GLI3: variants seen among roughly 807,000 people sequenced by gnomAD.
GLI3 encodes transcription activator GLI3.
Under a neutral mutation model 100.8 loss-of-function variants are expected in GLI3, and 20 were observed. That is an observed-to-expected ratio of 0.20 (90% CI 0.14 to 0.29). The LOEUF is 0.29. GLI3 is among the 10% of genes least tolerant of loss of function. The pLI, the probability that GLI3 is intolerant of heterozygous loss-of-function variation, is 1.00. For synonymous variants in GLI3, 938 were observed against 860.5 expected, an observed-to-expected ratio of 1.09 and a Z score of -1.58; for missense variants, 2,040 against 2,128.5, an observed-to-expected ratio of 0.96 and a Z score of 0.82.
At chr7:42,008,879 G>A (rs573544234) in intron 10 of GLI3, among the ~76,000 whole-genome samples, 2 of 152,158 alleles carry the variant, frequency 1.3e-5, no homozygotes, top group Non-Finnish European at 2.9e-5. Context: ...AATCTCCTTA[G>A]AGCTATTTCA....
intron 10 of GLI3, among the ~76,000 whole-genome samples, chr7:41,984,794 C>CTCAAATCCCACAGAACTGCTTTA (rs1787769520): frequency 1.3e-5 from 2 of 152,242 alleles, no homozygotes; most frequent in Non-Finnish European, 2.9e-5. Context: ...TCTAATGTTT[C>CTCAAATCCCACAGAACTGCTTTA]TCAAATCCCA....
At chr7:42,118,724 C>A (rs1288469072) in intron 3 of GLI3, among the ~76,000 whole-genome samples, 1 of 152,178 alleles carries the variant, frequency 6.6e-6, no homozygotes. Flanking sequence ...GGCCCAGTGG[C>A]CTTCTGATTT....
At chr7:41,971,299 C>G (rs73318091) in intron 13 of GLI3, among the ~76,000 whole-genome samples, 15,532 of 152,200 alleles carry the variant, frequency 0.1, 965 homozygotes, top group African/African-American at 0.17. Context: ...GTGCATCCGG[C>G]AGTCTGAGCA....
At chr7:42,053,478 C>A (rs569563702) in intron 4 of GLI3, among the ~76,000 whole-genome samples, 23 of 152,134 alleles carry the variant, frequency 1.5e-4, no homozygotes, top group Non-Finnish European at 3.1e-4. Flanking sequence ...ACAAAATTTC[C>A]CATAGAAATG....
chr7:42,189,989 C>T (rs1049858237), intron 2 of GLI3, among the ~76,000 whole-genome samples: 4 of 116,328 alleles, frequency 3.4e-5, no homozygotes, highest in African/African-American at 1.3e-4. Context: ...CACACACACA[C>T]ACACACACAC....
At chr7:41,975,034 C>T (rs906730461) in intron 12 of GLI3, among the ~76,000 whole-genome samples, 37 of 152,094 alleles carry the variant, frequency 2.4e-4, no homozygotes, top group Admixed American at 1.3e-4. Flanking sequence ...AAAGAGGGAG[C>T]CATTGCAGCT....
intron 4 of GLI3, among the ~76,000 whole-genome samples, chr7:42,048,970 G>A (rs892469852): frequency 3.3e-5 from 5 of 152,098 alleles, no homozygotes; most frequent in African/African-American, 1.2e-4. Flanking sequence ...TCAACCTATG[G>A]CTTCTTCCAT....
intron 3 of GLI3, chr7:42,118,083 G>A (rs997361735): frequency 5.5e-6 from 2 of 366,424 alleles, no homozygotes; most frequent in African/African-American, 4.2e-5. Context: ...TTTCATACAG[G>A]GATTTTTTTC....
chr7:42,228,714 T>C (rs1465839037), intron 1 of GLI3, among the ~76,000 whole-genome samples: 3 of 152,120 alleles, frequency 2.0e-5, no homozygotes, highest in East Asian at 1.9e-4. Flanking sequence ...ACAAAACCAA[T>C]AGGTGTGTGC....
chr7:41,966,069 C>G lies in GLI3; in HGVS notation c.3004G>C (p.Val1002Leu), dbSNP rs1254178356. 21 of 1,573,424 alleles carry G rather than the reference C, an allele frequency of 1.3e-5. No individual in the cohort carries two copies. The highest frequency in any genetic ancestry group is 1.7e-5 in the Non-Finnish European group (20 of 1,166,108). The change falls in exon 15 of 15, where the codon GTG becomes CTG. Residue 1002 changes from valine (V) to leucine (L), a missense_variant. Around this residue, in one of 5 missense-constraint regions of GLI3, gnomAD observed 1,041 missense variants for 924.0 expected, o/e 1.13. Transcript: ENST00000395925. This position sits in a 1 kb window ranked among gnomAD's most constrained non-coding sequence, Gnocchi z 5.8. ...CGCACCGGGTCGCTGGCCCTCCTCA[C>G]GCCGTGGCCCGGCGCATCGTGCGGC... Reference protein sequence around the residue: ...LQPHDAPGHGVRRASDPVRTG... With the variant: ...LQPHDAPGHGLRRASDPVRTG...
intron 2 of GLI3, among the ~76,000 whole-genome samples, chr7:42,222,617 G>C (rs758061931): frequency 1.3e-5 from 2 of 152,148 alleles, no homozygotes; most frequent in Non-Finnish European, 2.9e-5. Context: ...ATTTTTATAA[G>C]CTAACAACAA....
intron 13 of GLI3, among the ~76,000 whole-genome samples, chr7:41,968,667 CAAGAAAGAAAGAAAGAAAGAAGA>C (rs1787254104): frequency 8.1e-6 from 1 of 123,668 alleles, no homozygotes; most frequent in African/African-American, 3.1e-5. Context: ...TGTGCTATAC[CAAGAAAGAAAGAAAGAAAGAAGA>C]AAGAAAGAAA....
In GLI3 at chr7:42,180,166, G is replaced by T. The variant is rs960785355; in HGVS notation, c.125-31698C>A. On this transcript the variant is annotated intron_variant, in intron 2 of 14. Transcript: ENST00000395925. The stretch of plus-strand genomic sequence containing the variant: ...GCAGTGGTGGGGGCGGAGGACAACA[G>T]AGAAGGCCCAGCTATCATGCAGAGA... Among the ~76,000 whole-genome samples the T allele has an allele frequency of 9.5e-4, 144 of 152,288 alleles. 3 individuals are homozygous for T. Among genetic ancestry groups the T allele is most frequent in the Non-Finnish European group, 3.4e-4 (23 of 68,020 alleles).
chr7:42,161,303 A>G (rs569482590), intron 2 of GLI3, among the ~76,000 whole-genome samples: 1 of 152,336 alleles, frequency 6.6e-6, no homozygotes, highest in African/African-American at 2.4e-5. Flanking sequence ...GTTTTGTTGG[A>G]ACACAGCCAG....
At chr7:42,252,179 T>A (rs1475375418) in intron 1 of GLI3, among the ~76,000 whole-genome samples, 2 of 43,952 alleles carry the variant, frequency 4.6e-5, no homozygotes, top group Non-Finnish European at 1.1e-4. Context: ...AAGAATGAGA[T>A]CACGTCTTGT....
chr7:42,240,284 C>T (rs1230058465), upstream of GLI3, among the ~76,000 whole-genome samples: 3 of 152,142 alleles, frequency 2.0e-5, no homozygotes, highest in African/African-American at 7.2e-5. Context: ...AATAGTTAAG[C>T]TTTTAAGACA....
At chr7:42,033,718 A>AT (rs111702567) in intron 7 of GLI3, among the ~76,000 whole-genome samples, 105 of 150,052 alleles carry the variant, frequency 7.0e-4, no homozygotes, top group South Asian at 1.3e-3. Context: ...CCAAAGAACC[A>AT]TTTTTTTTTT....
chr7:42,098,951 C>G (rs543619087), intron 3 of GLI3, among the ~76,000 whole-genome samples: 75 of 152,242 alleles, frequency 4.9e-4, no homozygotes, highest in African/African-American at 1.8e-3. Context: ...GTGGGTGATC[C>G]TAACAGTGGG....
At position 42,119,991 on chromosome 7, in the gene GLI3, G is replaced by A. The variant is rs185640637; in HGVS notation, c.367+28235C>T. ...ACACGCACACACGCCCTGGACCCTCGCACTTATAGAGGGAGTTGTCTCCAT... is the reference window on the plus strand; with the variant it reads ...ACACGCACACACGCCCTGGACCCTCACACTTATAGAGGGAGTTGTCTCCAT... On this transcript the variant is annotated intron_variant, in intron 3 of 14. Transcript: ENST00000395925. Among the ~76,000 whole-genome samples, 67 of 152,210 alleles carry A rather than the reference G, an allele frequency of 4.4e-4. No homozygotes were observed. In the East Asian group the frequency reaches 0.01, roughly 24 times the overall value.
Sources: allele counts gnomAD v4.1 joint callset (sites outside exome capture counted in the v4.1 genomes callset), GRCh38; gene constraint gnomAD v4.1.1; regional missense constraint gnomAD v4.1.1; non-coding constraint Gnocchi (gnomAD v3.1); transcripts MANE v1.5; gene names NCBI Gene and HGNC (gene_info 2026-07-23, HGNC 2026-07-21).